LPCAT3: variants seen among roughly 807,000 people sequenced by gnomAD.
The protein encoded by LPCAT3 is lysophosphatidylcholine acyltransferase 3, also known as lysophospholipid acyltransferase 5.
A neutral mutation model predicts 63.4 loss-of-function variants in LPCAT3; 21 were observed. The observed-to-expected ratio is 0.33, with a 90% CI of 0.23 to 0.48. LPCAT3 has a LOEUF of 0.48. Ranked by LOEUF, LPCAT3 falls within the 20% of genes least tolerant of loss-of-function variation. The pLI, the probability that LPCAT3 is intolerant of heterozygous loss-of-function variation, is 0.99. For synonymous variants in LPCAT3, 242 were observed against 227.5 expected, an observed-to-expected ratio of 1.06 and a Z score of -0.58; for missense variants, 451 against 590.6, an observed-to-expected ratio of 0.76 and a Z score of 2.45.
At chr12:6,992,197 G>A (rs1183060520) in intron 1 of LPCAT3, among the ~76,000 whole-genome samples, 1 of 152,020 alleles carries the variant, frequency 6.6e-6, no homozygotes, top group African/African-American at 2.4e-5. Flanking sequence ...TTAGCCAGGT[G>A]TGGTGGTGCA....
chr12:7,008,544 G>T (rs879982954), intron 1 of LPCAT3, among the ~76,000 whole-genome samples: 11 of 152,100 alleles, frequency 7.2e-5, no homozygotes, highest in Non-Finnish European at 1.3e-4. Context: ...GCTTAAGGTG[G>T]TTGATGCAAC....
intron 1 of LPCAT3, among the ~76,000 whole-genome samples, chr12:6,994,603 A>T (rs1320462442): frequency 6.6e-6 from 1 of 152,052 alleles, no homozygotes; most frequent in Admixed American, 6.6e-5. Context: ...AGCAGCTGGG[A>T]CTACAGGTGT....
rs781849264 is a variant in LPCAT3 at position 6,987,097 on chromosome 12, G to A, written c.152-3558C>T. Among the ~76,000 whole-genome samples, 1 of 150,222 alleles carries A rather than the reference G, an allele frequency of 6.7e-6. No individual in the cohort carries two copies. The highest frequency in any genetic ancestry group is 2.5e-5 in the African/African-American group (1 of 39,856). ...CATTGCACTCCAGCTTGGGCAACGA[G>A]CAAGATTCTGTCTCAAAAAAAAAAG... On this transcript the variant is annotated intron_variant, in intron 1 of 12. Coordinates refer to ENST00000261407, the MANE Select transcript of LPCAT3 (RefSeq NM_005768.6). The surrounding 1 kb of genome is among the most constrained non-coding windows in gnomAD (Gnocchi z 4.1).
chr12:6,989,236 G>C (rs1591550356), intron 1 of LPCAT3, among the ~76,000 whole-genome samples: 4 of 151,548 alleles, frequency 2.6e-5, no homozygotes, highest in Admixed American at 6.6e-5. Flanking sequence ...ATGACCTTTA[G>C]TACACTCCAA....
chr12:6,985,844 A>T (rs1290635294), intron 1 of LPCAT3, among the ~76,000 whole-genome samples: 1 of 147,092 alleles, frequency 6.8e-6, no homozygotes, highest in East Asian at 2.1e-4. Flanking sequence ...CGATCTTGGC[A>T]GCTCACTGCA....
intron 1 of LPCAT3, among the ~76,000 whole-genome samples, chr12:6,994,839 A>G (rs1308089080): frequency 6.6e-6 from 1 of 152,072 alleles, no homozygotes; most frequent in Non-Finnish European, 1.5e-5. Context: ...CGTTTCTTTC[A>G]CCGAAGGCAT....
chr12:7,017,302 A>G lies in LPCAT3; in HGVS notation c.151+972T>C, dbSNP rs1436635811. ...TATATATATGTACAGGTACTTCCCA[A>G]TCTTGGCCCTTCTACAGGACTTTAT... On this transcript the variant is annotated intron_variant, in intron 1 of 12. Transcript: ENST00000261407. The surrounding 1 kb of genome is among the most constrained non-coding windows in gnomAD (Gnocchi z 4.1). Among the ~76,000 whole-genome samples, 2 of 152,168 alleles carry G rather than the reference A, an allele frequency of 1.3e-5. No homozygotes were observed. Among genetic ancestry groups the G allele is most frequent in the Non-Finnish European group, 2.9e-5 (2 of 68,036 alleles).
At chr12:6,996,395 ACTT>A (rs1283764620) in intron 1 of LPCAT3, among the ~76,000 whole-genome samples, 8 of 151,672 alleles carry the variant, frequency 5.3e-5, no homozygotes, top group African/African-American at 1.9e-4. Flanking sequence ...CCCATCACAC[ACTT>A]CTTGTTCTTC....
chr12:6,988,697 G>A (rs1555155080), intron 1 of LPCAT3, among the ~76,000 whole-genome samples: 2 of 152,156 alleles, frequency 1.3e-5, no homozygotes, highest in Admixed American at 6.5e-5. Context: ...CATGAGACAC[G>A]GTTCTGACAG....
chr12:7,004,966 A>G (rs1423411751), intron 1 of LPCAT3, among the ~76,000 whole-genome samples: 1 of 152,070 alleles, frequency 6.6e-6, no homozygotes, highest in Admixed American at 6.6e-5. Context: ...TTTTAAGTGT[A>G]CAATTCAGTG....
rs1946471931 is a variant in LPCAT3, at chr12:6,981,616, G to A, written c.477C>T (p.Tyr159=). 1.9e-6 allele frequency: 3 copies of A among 1,609,820 alleles called. No homozygotes were observed. In the South Asian group the frequency reaches 3.3e-5, roughly 18 times the overall value. Residue 159 remains tyrosine (Y), a synonymous_variant, in exon 5 of 13, where the codon TAC becomes TAT. Transcript: ENST00000261407. ...TTACCTGATCTTTCCCTCCGTCAAA[G>A]TAGTCAACAGCCAAACCTGAGCAGA... ...TLKLIGLAVD[Y]FDGGKDQNSL...
At chr12:6,985,566 T>A (rs1217298455) in intron 1 of LPCAT3, among the ~76,000 whole-genome samples, 2 of 149,568 alleles carry the variant, frequency 1.3e-5, no homozygotes, top group African/African-American at 4.9e-5. Flanking sequence ...ATATAAAAAA[T>A]TAGCTGGGTG....
intron 1 of LPCAT3, among the ~76,000 whole-genome samples, chr12:6,989,435 C>T (rs989347297): frequency 1.4e-4 from 21 of 151,518 alleles, no homozygotes; most frequent in African/African-American, 4.4e-4. Context: ...TCAGCCTCTC[C>T]GAGTAGCTGG....
intron 2 of LPCAT3, 162 bp from the exon 3 acceptor site, chr12:6,982,944 TAAAA>T (rs1946485754): frequency 3.0e-6 from 2 of 664,266 alleles, no homozygotes; most frequent in Non-Finnish European, 5.4e-6. Context: ...TTTATTAAAA[TAAAA>T]AAGATTATTA....
intron 1 of LPCAT3, among the ~76,000 whole-genome samples, chr12:7,001,054 C>T (rs1946683579): frequency 6.6e-6 from 1 of 152,100 alleles, no homozygotes; most frequent in South Asian, 2.1e-4. Flanking sequence ...AAATCTCAGG[C>T]TCAGAAATTT....
At chr12:7,008,038 G>C (rs1302816609) in intron 1 of LPCAT3, among the ~76,000 whole-genome samples, 1 of 152,030 alleles carries the variant, frequency 6.6e-6, no homozygotes, top group Non-Finnish European at 1.5e-5. Context: ...GATGTCCAGA[G>C]CTTCATCTAG....
chr12:6,982,813 T>A (rs782570379), intron 2 of LPCAT3, 31 bp from the exon 3 acceptor site: 2 of 1,422,748 alleles, frequency 1.4e-6, no homozygotes, highest in East Asian at 4.6e-5. Flanking sequence ...TTTAGCCTGG[T>A]TTTTACACTC....
At chr12:6,994,146 CAT>C (rs1491513470) in intron 1 of LPCAT3, among the ~76,000 whole-genome samples, 4 of 152,082 alleles carry the variant, frequency 2.6e-5, no homozygotes, top group Non-Finnish European at 4.4e-5. Flanking sequence ...TTTGTGTGAA[CAT>C]ATGTTTTTAT....
At chr12:6,990,224 T>C (rs782620897) in intron 1 of LPCAT3, among the ~76,000 whole-genome samples, 2 of 146,998 alleles carry the variant, frequency 1.4e-5, no homozygotes, top group South Asian at 2.2e-4. Flanking sequence ...ATAAAAAAAA[T>C]ATAAGCGGGG....
Sources: gnomAD v4.1 joint callset for allele counts (sites outside exome capture counted in the v4.1 genomes callset) on GRCh38, gnomAD v4.1.1 for gene constraint, Gnocchi (gnomAD v3.1) non-coding constraint, MANE v1.5 for transcripts, NCBI Gene and HGNC (gene_info 2026-07-23, HGNC 2026-07-21) for gene names.